The following MYO19 variants were observed in gnomAD, a reference collection of about 807,000 sequenced individuals.
MYO19 encodes myosin XIX.
A neutral mutation model predicts 129.2 loss-of-function variants in MYO19; 132 were observed. That is an observed-to-expected ratio of 1.02 (90% CI 0.89 to 1.18). The LOEUF is 1.18. MYO19 is among the 50% of genes most tolerant of loss of function. The probability of loss-of-function intolerance (pLI) is 0.00; values close to 1 mark genes in which losing one functional copy is unlikely to be tolerated. For synonymous variants in MYO19, 531 were observed against 477.2 expected, an observed-to-expected ratio of 1.11 and a Z score of -1.47; for missense variants, 1,210 against 1,216.7, an observed-to-expected ratio of 0.99 and a Z score of 0.08.
Position 36,503,931 on chromosome 17 carries a change from C to T in MYO19, c.1976+19G>A, listed in dbSNP as rs142037104. Reference sequence around the variant, plus strand: ...ACTCTGTACTGGCCCTGCACTGTGCCGTGATCGAGCCCACTCACCGGATGG... The same window carrying T: ...ACTCTGTACTGGCCCTGCACTGTGCTGTGATCGAGCCCACTCACCGGATGG... On this transcript the variant is annotated intron_variant, in intron 20 of 25. Transcript: ENST00000614623. The T allele has an allele frequency of 3.6e-4, 572 of 1,573,662 alleles. 6 individuals carry two copies. The East Asian group carries it at 0.013, about 34-fold the overall frequency.
rs770769409 is a variant in MYO19 at position 36,504,022 on chromosome 17, T to A, written c.1906-2A>T. ...ACAGGCCTCCAGCTGGCTCAGGACC[T>A]GCAAGGGTGGGGAGACAGGGCAGGC... On this transcript the variant is annotated splice_acceptor_variant, in intron 19 of 25. Coordinates refer to ENST00000614623, the MANE Select transcript of MYO19 (RefSeq NM_001163735.2). LOFTEE classifies it high-confidence loss of function. The A allele has an allele frequency of 1.9e-6, 3 of 1,566,918 alleles. No homozygotes were observed. The South Asian group carries it at 3.5e-5, about 18-fold the overall frequency.
chr17:36,501,229 C>T lies in MYO19; in HGVS notation c.2087G>A (p.Cys696Tyr). The T allele has an allele frequency of 6.2e-7, 1 of 1,610,332 alleles. No individual in the cohort carries two copies. Among genetic ancestry groups the T allele is most frequent in the Non-Finnish European group, 8.5e-7 (1 of 1,177,784 alleles). Residue 696 changes from cysteine to tyrosine, a missense_variant, in exon 22 of 26, where the codon TGT becomes TAT. Transcript: ENST00000614623. Reference protein sequence around the residue: ...PYPAKGLPEWCPHSEEATLEP... With the variant: ...PYPAKGLPEWYPHSEEATLEP... ...AAGCGTGGCTTCCTCGCTGTGTGGA[C>T]ACCATTCTGGGGGAGGGAGATGGCC...
upstream of MYO19, among the ~76,000 whole-genome samples, chr17:36,544,255 A>C (rs745976592): frequency 6.6e-6 from 1 of 152,192 alleles, no homozygotes; most frequent in African/African-American, 2.4e-5. Flanking sequence ...TTCCAGTGTA[A>C]CGACAACCAC....
At chr17:36,523,880 T>C (rs763792584) in intron 6 of MYO19, among the ~76,000 whole-genome samples, 33 of 152,246 alleles carry the variant, frequency 2.2e-4, no homozygotes, top group Middle Eastern at 6.3e-3. Context: ...AGTAACTGCA[T>C]CTGGAGACAG....
rs756462232 is a variant in MYO19 at position 36,499,068 on chromosome 17, T to G, written c.2463+7A>C. 3.1e-5 allele frequency: 50 copies of G among 1,602,226 alleles called. No homozygotes were observed. Among genetic ancestry groups the G allele is most frequent in the Admixed American group, 1.2e-4 (7 of 58,800 alleles). On this transcript the variant is annotated splice_region_variant and intron_variant, in intron 24 of 25. Coordinates refer to ENST00000614623, the MANE Select transcript of MYO19 (RefSeq NM_001163735.2). The stretch of plus-strand genomic sequence containing the variant: ...CTGCCCACCCCGACTTCTTGGGTCT[T>G]ACTTACTCTCCACTTCTGCCATGCA...
At position 36,521,210 on chromosome 17, in the gene MYO19, C is replaced by T. The variant is rs145921809; in HGVS notation, c.414+4018G>A. Among the ~76,000 whole-genome samples, 322 of 152,214 alleles carry T rather than the reference C, an allele frequency of 2.1e-3. 3 individuals carry two copies. The highest frequency in any genetic ancestry group is 7.5e-3 in the African/African-American group (311 of 41,504). ...TAAAAAGCTACTTACAGTGAGGCCCCATTGGTTGACAATCTTGTACGTAAA... is the reference window on the plus strand; with the variant it reads ...TAAAAAGCTACTTACAGTGAGGCCCTATTGGTTGACAATCTTGTACGTAAA... On this transcript the variant is annotated intron_variant, in intron 6 of 25. Transcript: ENST00000614623.
At chr17:36,543,773 TGCC>T (rs1012034119), upstream of MYO19, among the ~76,000 whole-genome samples, 2 of 151,984 alleles carry the variant, frequency 1.3e-5, no homozygotes, top group African/African-American at 4.8e-5. Context: ...TACAGGTACA[TGCC>T]ACCACGCCCG....
chr17:36,528,519 A>AC (rs1340746909), intron 3 of MYO19, among the ~76,000 whole-genome samples: 1 of 151,810 alleles, frequency 6.6e-6, no homozygotes, highest in Non-Finnish European at 1.5e-5. Context: ...TCAAAAAAAA[A>AC]AAAAACCAAA....
chr17:36,519,071 T>G (rs934889963), intron 6 of MYO19, among the ~76,000 whole-genome samples: 3 of 152,184 alleles, frequency 2.0e-5, no homozygotes, highest in African/African-American at 7.2e-5. Flanking sequence ...ATTTTTGTAT[T>G]TTTTTGTAGA....
upstream of MYO19, chr17:36,538,687 C>A (rs1022227605): frequency 2.6e-5 from 33 of 1,259,478 alleles, no homozygotes; most frequent in Admixed American, 4.0e-4. Context: ...AGAAATTGTG[C>A]TTTTGGCAAC....
upstream of MYO19, among the ~76,000 whole-genome samples, chr17:36,536,139 G>A (rs184619669): frequency 1.0e-3 from 152 of 152,256 alleles, no homozygotes; most frequent in Non-Finnish European, 3.8e-4. Flanking sequence ...CTTAATAAAA[G>A]AGCAACTAAC....
chr17:36,538,641 A>T (rs755776798), upstream of MYO19: 4 of 1,491,634 alleles, frequency 2.7e-6, no homozygotes, highest in Non-Finnish European at 3.7e-6. Flanking sequence ...ATATATAAGT[A>T]TTTGGGCAAT....
chr17:36,528,599 T>C (rs576261193), intron 3 of MYO19, among the ~76,000 whole-genome samples: 6 of 152,022 alleles, frequency 3.9e-5, no homozygotes, highest in Non-Finnish European at 8.8e-5. Context: ...ACCTGTATAG[T>C]AGAAGGAGAC....
chr17:36,508,869 T>G (rs146664058), intron 14 of MYO19, 193 bp downstream of exon 14: 3 of 611,430 alleles, frequency 4.9e-6, no homozygotes, highest in East Asian at 5.5e-5. Flanking sequence ...ACTGCTCAGA[T>G]GTGGGTGCAG....
At position 36,496,323 on chromosome 17, in the gene MYO19, G is replaced by C; in HGVS notation, c.2841C>G (p.Gly947=). The change falls in exon 26 of 26, where the codon GGC becomes GGG. Residue 947 remains glycine, a synonymous_variant. Coordinates refer to ENST00000614623, the MANE Select transcript of MYO19 (RefSeq NM_001163735.2). ...GTCTTTCCAGCAGAATCTGATTAAA[G>C]CCTGTAATGCTGTAGGGTGAAGGTT... The part of the protein sequence containing the change: ...CPEPSPYSIT[G]FNQILLERHR... 1 of 1,614,024 alleles carries C rather than the reference G, an allele frequency of 6.2e-7. No homozygotes were observed. Among genetic ancestry groups the C allele is most frequent in the Middle Eastern group, 1.6e-4 (1 of 6,062 alleles).
intron 17 of MYO19, 26 bp from the exon 18 acceptor site, chr17:36,506,634 GTGAGGGCAGGTGGAGCT>G: frequency 6.6e-7 from 1 of 1,514,670 alleles, no homozygotes; most frequent in Non-Finnish European, 8.8e-7. Context: ...AAGAGCAGCA[GTGAGGGCAGGTGGAGCT>G]TCTGCTCAGG....
At chr17:36,534,449 C>T (rs1309415078) in intron 1 of MYO19, among the ~76,000 whole-genome samples, 1 of 152,196 alleles carries the variant, frequency 6.6e-6, no homozygotes, top group Admixed American at 6.5e-5. Flanking sequence ...CGGGACCAGC[C>T]GCCCCCTCCC....
At position 36,498,848 on chromosome 17, in the gene MYO19, T is replaced by C; in HGVS notation, c.2463+227A>G. ...TCTTCTAAAGTGTACATCCCAGAGTTTGGTATATTCCCAGAGTTGCTTATA... is the reference window on the plus strand; with the variant it reads ...TCTTCTAAAGTGTACATCCCAGAGTCTGGTATATTCCCAGAGTTGCTTATA... On this transcript the variant is annotated intron_variant, in intron 24 of 25. Transcript: ENST00000614623. The C allele has an allele frequency of 5.1e-6, 3 of 592,230 alleles. No homozygotes were observed. In the Admixed American group the frequency reaches 8.9e-5, roughly 18 times the overall value. The allele number at this position is 592,230 out of a possible 1,614,324, so 36.7% of individuals were successfully genotyped here.
At position 36,507,845 on chromosome 17, in the gene MYO19, C is replaced by G. The variant is rs1401153490; in HGVS notation, c.1311G>C (p.Lys437Asn). The G allele has an allele frequency of 6.2e-7, 1 of 1,613,524 alleles. No homozygotes were observed. ...AGTGAGCCACAAAATGCTGCTGCAG[C>G]TTCTCATTGGCGTAGTTGATGCACA... ...EQLCINYANE[K>N]LQQHFVAHYL... Residue 437 changes from lysine (K) to asparagine (N), a missense_variant, in exon 15 of 26, where the codon AAG becomes AAC. Transcript: ENST00000614623.
Sources: gnomAD v4.1 joint callset for allele counts (sites outside exome capture counted in the v4.1 genomes callset) on GRCh38, gnomAD v4.1.1 for gene constraint, MANE v1.5 for transcripts, NCBI Gene and HGNC (gene_info 2026-07-23, HGNC 2026-07-21) for gene names.